Variants in TSHZ3 observed in about 807,000 individuals in gnomAD.
TSHZ3 encodes the protein teashirt homolog 3.
TSHZ3 carries 10 observed loss-of-function variants against 64.5 expected under a neutral mutation model. The ratio of observed to expected loss-of-function variants is 0.16; its 90% CI spans 0.10 to 0.26. The LOEUF is 0.26. Among genes scored for constraint, TSHZ3 ranks in the 10% least tolerant of loss-of-function variants. The pLI is 1.00. For synonymous variants in TSHZ3, 608 were observed against 593.1 expected, an observed-to-expected ratio of 1.03 and a Z score of -0.36; for missense variants, 1,242 against 1,421.7, an observed-to-expected ratio of 0.87 and a Z score of 2.03.
chr19:31,323,423 T>C (rs1916834144), intron 1 of TSHZ3, among the ~76,000 whole-genome samples: 1 of 152,258 alleles, frequency 6.6e-6, no homozygotes, highest in South Asian at 2.1e-4. Flanking sequence ...AAACATCACA[T>C]TTATTCCAGA....
At chr19:31,321,535 G>A (rs935470140) in intron 1 of TSHZ3, among the ~76,000 whole-genome samples, 2 of 152,158 alleles carry the variant, frequency 1.3e-5, no homozygotes, top group African/African-American at 4.8e-5. Context: ...ACACACCAAG[G>A]TGTCTGCATA....
At chr19:31,220,862 A>T (rs1009286276) in intron 4 of TSHZ3, among the ~76,000 whole-genome samples, 4 of 152,166 alleles carry the variant, frequency 2.6e-5, no homozygotes, top group African/African-American at 9.7e-5. Flanking sequence ...AGCAATATTT[A>T]TGACTCCAGG....
upstream of TSHZ3, among the ~76,000 whole-genome samples, chr19:31,350,782 T>TGAGCGG (rs2021698788): frequency 6.8e-6 from 1 of 147,652 alleles, no homozygotes; most frequent in African/African-American, 2.5e-5. Context: ...CGGCGGCGGC[T>TGAGCGG]GAGCGGGAGC....
chr19:31,239,916 G>C (rs551395356), intron 3 of TSHZ3, among the ~76,000 whole-genome samples: 2 of 152,266 alleles, frequency 1.3e-5, no homozygotes, highest in South Asian at 4.1e-4. Flanking sequence ...AAAGTCAACA[G>C]TAAGTTATTT....
chr19:31,230,298 C>A (rs1022761671), intron 3 of TSHZ3, among the ~76,000 whole-genome samples: 1 of 152,048 alleles, frequency 6.6e-6, no homozygotes, highest in African/African-American at 2.4e-5. Context: ...CTGTACATTT[C>A]ATTTTTTTGT....
Position 31,279,130 on chromosome 19 carries a change from A to T in TSHZ3, c.663T>A (p.Ala221=), listed in dbSNP as rs749685147. 1 of 1,613,668 alleles carries T rather than the reference A, an allele frequency of 6.2e-7. No homozygotes were observed. The highest frequency in any genetic ancestry group is 1.1e-5 in the South Asian group (1 of 91,066). Residue 221 remains alanine, a synonymous_variant, in exon 2 of 2, where the codon GCT becomes GCA. Coordinates refer to ENST00000240587, the MANE Select transcript of TSHZ3 (RefSeq NM_020856.4). This position sits in a 1 kb window ranked among gnomAD's most constrained non-coding sequence, Gnocchi z 6.4. ...TCAACTCCACCAGGGTGTCGTAGGC[A>T]GCGCTGCAGTCCTTACAGCGGAACT... is the stretch of plus-strand genomic sequence containing the variant. The part of the protein sequence containing the change: ...ASKFRCKDCS[A]AYDTLVELTV...
intron 5 of TSHZ3, among the ~76,000 whole-genome samples, chr19:31,191,230 TA>T (rs1341468189): frequency 3.3e-5 from 5 of 152,126 alleles, no homozygotes; most frequent in African/African-American, 1.2e-4. Context: ...AAGATATATG[TA>T]GACACATTAC....
intron 3 of TSHZ3, among the ~76,000 whole-genome samples, chr19:31,231,618 C>A (rs1185110276): frequency 6.6e-6 from 1 of 152,152 alleles, no homozygotes; most frequent in Non-Finnish European, 1.5e-5. Flanking sequence ...ATATATCTTG[C>A]CTCTGATTTA....
intron 1 of TSHZ3, among the ~76,000 whole-genome samples, chr19:31,290,678 C>A (rs1320932187): frequency 1.3e-5 from 2 of 152,042 alleles, no homozygotes; most frequent in Admixed American, 6.5e-5. Flanking sequence ...AAATGGCATT[C>A]TTGGATGGTA....
At chr19:31,248,788 G>GAAA (rs60222074) in intron 1 of TSHZ3, among the ~76,000 whole-genome samples, 8 of 91,196 alleles carry the variant, frequency 8.8e-5, no homozygotes, top group Non-Finnish European at 1.4e-4. Context: ...GACCCTGTTT[G>GAAA]AAAAAAAAAA....
rs903933 is a variant in TSHZ3, at chr19:31,330,709, C to T, written c.40+18471G>A. The stretch of plus-strand genomic sequence containing the variant: ...AGCCAAGTGCTGTTTAATCCTTGGG[C>T]GGGGGGAGGAAAGTCCAGAACACCT... On this transcript the variant is annotated intron_variant, in intron 1 of 1. Transcript: ENST00000240587. Among the ~76,000 whole-genome samples the T allele has an allele frequency of 8.0e-3, 687 of 85,700 alleles. 9 individuals are homozygous for T. The highest frequency in any genetic ancestry group is 0.015 in the Admixed American group (124 of 8,304). 56.2% of individuals were successfully genotyped at this position (85,700 alleles called of 152,430 possible).
chr19:31,176,739 G>A (rs1056408955), intron 5 of TSHZ3, among the ~76,000 whole-genome samples: 6 of 152,168 alleles, frequency 3.9e-5, no homozygotes, highest in African/African-American at 7.2e-5. Flanking sequence ...GCCATGAGCT[G>A]TGATTGCACC....
chr19:31,241,887 G>C (rs1975695406), intron 3 of TSHZ3, among the ~76,000 whole-genome samples: 1 of 152,226 alleles, frequency 6.6e-6, no homozygotes. Context: ...TTTATGACAA[G>C]AGAACCAACT....
At chr19:31,299,458 G>A (rs1330517129) in intron 1 of TSHZ3, among the ~76,000 whole-genome samples, 2 of 152,240 alleles carry the variant, frequency 1.3e-5, no homozygotes, top group Middle Eastern at 3.4e-3. Context: ...TCGCAATTGT[G>A]GGATGCGGGT....
intron 3 of TSHZ3, among the ~76,000 whole-genome samples, chr19:31,233,342 C>T (rs144031887): frequency 6.6e-6 from 1 of 152,308 alleles, no homozygotes; most frequent in African/African-American, 2.4e-5. Context: ...TTCCCAATAA[C>T]TAATGGCACT....
rs555073250 is a variant in TSHZ3 at position 31,197,015 on chromosome 19, C to T, written n.809+7941G>A. Among the ~76,000 whole-genome samples, 88 of 152,024 alleles carry T rather than the reference C, an allele frequency of 5.8e-4. No homozygotes were observed. In the South Asian group the frequency reaches 0.017, roughly 29 times the overall value. On this transcript the variant is annotated intron_variant and non_coding_transcript_variant, in intron 5 of 6. Transcript: ENST00000651361. ...TAGCAACCTCAGGATATACATTCTT[C>T]TCAAGCTCATATGGAAAATTAACCA...
chr19:31,224,371 G>T (rs145176469), intron 4 of TSHZ3, among the ~76,000 whole-genome samples: 81 of 152,268 alleles, frequency 5.3e-4, no homozygotes, highest in African/African-American at 1.9e-3. Context: ...TTGTAATTCT[G>T]TGTCATTGGC....
intron 5 of TSHZ3, among the ~76,000 whole-genome samples, chr19:31,184,068 G>C (rs1876828069): frequency 6.6e-6 from 1 of 152,126 alleles, no homozygotes; most frequent in Admixed American, 6.6e-5. Context: ...TAGTCATAAA[G>C]GGCACATTCA....
intron 5 of TSHZ3, among the ~76,000 whole-genome samples, chr19:31,201,007 A>G (rs77177507): frequency 6.3e-5 from 2 of 31,836 alleles, no homozygotes; most frequent in Non-Finnish European, 2.7e-4. Flanking sequence ...GTGTCAGGGG[A>G]AAAAAATGTA....
Sources: allele counts gnomAD v4.1 joint callset (sites outside exome capture counted in the v4.1 genomes callset), GRCh38; gene constraint gnomAD v4.1.1; non-coding constraint Gnocchi (gnomAD v3.1); transcripts MANE v1.5; gene names NCBI Gene and HGNC (gene_info 2026-07-23, HGNC 2026-07-21).